Variants in GRID2 observed in about 807,000 individuals in gnomAD.
GRID2 encodes glutamate receptor ionotropic, delta-2.
GRID2 carries 33 observed loss-of-function variants against 114.8 expected under a neutral mutation model. That is an observed-to-expected ratio of 0.29 (90% CI 0.22 to 0.38). GRID2 has a LOEUF of 0.38. Among genes scored for constraint, GRID2 ranks in the 10% least tolerant of loss-of-function variants. The pLI, the probability that GRID2 is intolerant of heterozygous loss-of-function variation, is 1.00. For missense variants in GRID2, 1,184 were observed against 1,257.7 expected (o/e 0.94, Z 0.89); for synonymous variants, 505 against 449.9 (o/e 1.12, Z -1.55).
chr4:93,784,811 G>GAAAGAAGGGAGAGAAGATGCTC (rs1734560319), intron 1 of GRID2, among the ~76,000 whole-genome samples: 3 of 152,092 alleles, frequency 2.0e-5, no homozygotes, highest in Admixed American at 2.0e-4. Flanking sequence ...TACAGAAACT[G>GAAAGAAGGGAGAGAAGATGCTC]AAAGAAGGGA....
rs541043180 is a variant in GRID2 at position 92,539,137 on chromosome 4, G to A, written c.89-50994G>A. On this transcript the variant is annotated intron_variant, in intron 1 of 15. Transcript: ENST00000282020. ...CAATTGAGAAATGTGTTCCAAAGCA[G>A]GGGACTATATTTTATTAATACTCAG... Among the ~76,000 whole-genome samples, 12 of 151,940 alleles carry A rather than the reference G, an allele frequency of 7.9e-5. 1 individual carries two copies. Among genetic ancestry groups the A allele is most frequent in the Admixed American group, 6.6e-4 (10 of 15,246 alleles).
Position 93,356,422 on chromosome 4 carries a change from A to C in GRID2, c.1246-39185A>C, listed in dbSNP as rs1230782700. ...TCTCAAAGAATAAATTTTTTTTTCA[A>C]TTATTCATTCTACTTTAAGAACCAC... is the stretch of plus-strand genomic sequence containing the variant. On this transcript the variant is annotated intron_variant, in intron 8 of 15. Transcript: ENST00000282020. Among the ~76,000 whole-genome samples, 3 of 151,752 alleles carry C rather than the reference A, an allele frequency of 2.0e-5. No individual in the cohort carries two copies. The East Asian group carries it at 5.8e-4, about 29-fold the overall frequency.
intron 4 of GRID2, among the ~76,000 whole-genome samples, chr4:93,193,035 A>T (rs1334711040): frequency 6.6e-6 from 1 of 152,216 alleles, no homozygotes; most frequent in East Asian, 1.9e-4. Flanking sequence ...AAACCACAGA[A>T]TATTTACTTC....
chr4:92,832,449 A>G (rs1742177522), intron 2 of GRID2, among the ~76,000 whole-genome samples: 1 of 151,952 alleles, frequency 6.6e-6, no homozygotes, highest in Non-Finnish European at 1.5e-5. Flanking sequence ...GCTGCAGTGC[A>G]GTGACGCAAT....
Position 93,613,578 on chromosome 4 carries a change from G to A in GRID2, c.2194-12691G>A, listed in dbSNP as rs1311842214. Among the ~76,000 whole-genome samples the A allele has an allele frequency of 4.0e-5, 4 of 99,492 alleles. 1 individual carries two copies. The highest frequency in any genetic ancestry group is 2.0e-4 in the Admixed American group (2 of 9,948). 65.3% of individuals were successfully genotyped at this position (99,492 alleles called of 152,430 possible). A position where few individuals can be genotyped will look rare whatever the true frequency, so the allele number is the denominator to read the frequency against. On this transcript the variant is annotated intron_variant, in intron 13 of 15. Coordinates refer to ENST00000282020, the MANE Select transcript of GRID2 (RefSeq NM_001510.4). ...CTGTTGGAATACCCTGCCGTGTGAG[G>A]TGTCAGTGTGCCCCTGCTGGGGGGT...
intron 2 of GRID2, among the ~76,000 whole-genome samples, chr4:92,676,321 A>AG (rs1211785014): frequency 6.6e-6 from 1 of 151,740 alleles, no homozygotes; most frequent in African/African-American, 2.4e-5. Context: ...CTGGGACTAC[A>AG]GGTGCCCACC....
intron 13 of GRID2, among the ~76,000 whole-genome samples, chr4:93,577,501 A>G (rs760200069): frequency 8.5e-5 from 13 of 152,260 alleles, no homozygotes; most frequent in Non-Finnish European, 1.6e-4. Flanking sequence ...TTGAAAATAC[A>G]TTGTCATGCA....
chr4:92,438,613 T>C (rs562010600), intron 1 of GRID2, among the ~76,000 whole-genome samples: 46 of 152,104 alleles, frequency 3.0e-4, no homozygotes, highest in African/African-American at 1.0e-3. Context: ...TGTGTGTTTC[T>C]ATACTAGTAT....
intron 2 of GRID2, among the ~76,000 whole-genome samples, chr4:92,632,892 A>G (rs1579725385): frequency 1.3e-5 from 2 of 152,274 alleles, no homozygotes; most frequent in East Asian, 3.9e-4. Context: ...GGATTTCATT[A>G]TTTCATTTCA....
intron 13 of GRID2, among the ~76,000 whole-genome samples, chr4:93,582,074 T>C (rs918023461): frequency 6.6e-5 from 10 of 152,196 alleles, no homozygotes; most frequent in African/African-American, 2.4e-4. Flanking sequence ...AAATTTGCTA[T>C]TTTATACTTC....
At chr4:92,955,699 T>C (rs1752354241) in intron 2 of GRID2, among the ~76,000 whole-genome samples, 1 of 152,198 alleles carries the variant, frequency 6.6e-6, no homozygotes, top group Admixed American at 6.5e-5. Context: ...CCCATGCCTA[T>C]GTCCTGAATG....
At chr4:92,541,737 G>A (rs1480809355) in intron 1 of GRID2, among the ~76,000 whole-genome samples, 1 of 152,000 alleles carries the variant, frequency 6.6e-6, no homozygotes, top group Non-Finnish European at 1.5e-5. Context: ...GATAGTGTTT[G>A]CATCCATGTA....
intron 1 of GRID2, among the ~76,000 whole-genome samples, chr4:92,460,646 T>A (rs987349595): frequency 1.3e-5 from 2 of 152,166 alleles, no homozygotes; most frequent in Non-Finnish European, 2.9e-5. Context: ...ATAGAACTGT[T>A]AGAATTGTGG....
At chr4:92,735,087 A>G (rs2149327192) in intron 2 of GRID2, among the ~76,000 whole-genome samples, 1 of 152,180 alleles carries the variant, frequency 6.6e-6, no homozygotes, top group Middle Eastern at 3.4e-3. Context: ...CCTGATGGTT[A>G]TATTTCATTT....
chr4:93,168,435 A>C (rs1010510154), intron 4 of GRID2, among the ~76,000 whole-genome samples: 2 of 152,134 alleles, frequency 1.3e-5, no homozygotes, highest in Admixed American at 1.3e-4. Context: ...AGCAGCTCAA[A>C]AATGTGTGTA....
chr4:93,315,984 A>G (rs1231983345), intron 8 of GRID2, among the ~76,000 whole-genome samples: 1 of 152,132 alleles, frequency 6.6e-6, no homozygotes, highest in Non-Finnish European at 1.5e-5. Flanking sequence ...GATCTGAGAT[A>G]ATCAAACTAA....
intron 1 of GRID2, among the ~76,000 whole-genome samples, chr4:92,363,314 C>T (rs1728701790): frequency 6.6e-6 from 1 of 152,108 alleles, no homozygotes; most frequent in Admixed American, 6.6e-5. Flanking sequence ...GCATTTTTTA[C>T]AGGCTCTCAA....
chr4:93,069,088 G>A (rs563346131), intron 2 of GRID2, among the ~76,000 whole-genome samples: 10 of 151,800 alleles, frequency 6.6e-5, no homozygotes, highest in African/African-American at 7.2e-5. Flanking sequence ...GGACAGTATC[G>A]GGGGGCTGGT....
At chr4:93,420,933 T>G (rs1768209932) in intron 9 of GRID2, among the ~76,000 whole-genome samples, 2 of 152,146 alleles carry the variant, frequency 1.3e-5, no homozygotes, top group African/African-American at 2.4e-5. Flanking sequence ...TTTTGTATTT[T>G]TAGTAGAGAC....
Sources: gnomAD v4.1 joint callset for allele counts (sites outside exome capture counted in the v4.1 genomes callset) on GRCh38, gnomAD v4.1.1 for gene constraint, MANE v1.5 for transcripts, NCBI Gene and HGNC (gene_info 2026-07-23, HGNC 2026-07-21) for gene names.